Variants in POLR3E observed in about 807,000 individuals in gnomAD.
POLR3E encodes the protein DNA-directed RNA polymerase III subunit RPC5.
POLR3E carries 41 observed loss-of-function variants against 96.6 expected under a neutral mutation model. The observed-to-expected ratio is 0.42, with a 90% CI of 0.33 to 0.55. The LOEUF is 0.55. POLR3E is among the 20% of genes least tolerant of loss of function. The pLI is 0.06. For missense variants in POLR3E, 849 were observed against 952.1 expected (o/e 0.89, Z 1.43); for synonymous variants, 396 against 383.6 (o/e 1.03, Z -0.38).
chr16:22,303,614 T>A (rs1374047305), intron 2 of POLR3E, among the ~76,000 whole-genome samples: 1 of 148,534 alleles, frequency 6.7e-6, no homozygotes, highest in African/African-American at 2.5e-5. Context: ...AGTCTCCGGG[T>A]ACAGGCAGTG....
intron 1 of POLR3E, among the ~76,000 whole-genome samples, chr16:22,297,763 C>T (rs1267880880): frequency 6.6e-6 from 1 of 152,224 alleles, no homozygotes; most frequent in Admixed American, 6.5e-5. Context: ...AGGCCGCGGC[C>T]GACGCTGGCG....
At chr16:22,314,742 G>A (rs1203414506) in intron 8 of POLR3E, among the ~76,000 whole-genome samples, 4 of 152,220 alleles carry the variant, frequency 2.6e-5, no homozygotes, top group Admixed American at 6.5e-5. Flanking sequence ...TGTTCTCTCC[G>A]TAGCTTATTA....
chr16:22,302,987 G>T lies in POLR3E; in HGVS notation c.19G>T (p.Asp7Tyr). 6.2e-7 allele frequency: 1 copy of T among 1,614,084 alleles called. No individual in the cohort carries two copies. The highest frequency in any genetic ancestry group is 1.1e-5 in the South Asian group (1 of 91,072). MANEED[D>Y]PVVQEIDVYL... ...CTCTAGTATGGCCAATGAAGAGGAT[G>T]ACCCAGTTGTACAGGAGGTAACTGC... Residue 7 changes from aspartate to tyrosine, a missense_variant, in exon 2 of 21, where the codon GAC (aspartate) becomes TAC (tyrosine). Coordinates refer to ENST00000299853, the MANE Select transcript of POLR3E (RefSeq NM_018119.4).
At chr16:22,328,755 G>A in intron 19 of POLR3E, 168 bp downstream of exon 19, 1 of 623,704 alleles carries the variant, frequency 1.6e-6, no homozygotes, top group Admixed American at 2.4e-5. Context: ...AAAATAAGCT[G>A]TATGTGCCAA....
chr16:22,323,012 G>A, intron 14 of POLR3E, 81 bp downstream of exon 14: 4 of 918,318 alleles, frequency 4.4e-6, no homozygotes, highest in East Asian at 5.3e-5. Context: ...GAAGACCGGG[G>A]CCCGGCAGAG....
chr16:22,330,531 T>C (rs1196047317), intron 19 of POLR3E, among the ~76,000 whole-genome samples: 1 of 152,210 alleles, frequency 6.6e-6, no homozygotes, highest in Non-Finnish European at 1.5e-5. Flanking sequence ...TGTAATTTTC[T>C]GAACACATGT....
At chr16:22,309,833 G>A in intron 6 of POLR3E, 1 of 359,772 alleles carries the variant, frequency 2.8e-6, no homozygotes, top group Non-Finnish European at 5.2e-6. Flanking sequence ...GCTTATGACA[G>A]AGCAATTCCA....
At chr16:22,303,999 T>C (rs1019487862) in intron 2 of POLR3E, among the ~76,000 whole-genome samples, 3 of 151,724 alleles carry the variant, frequency 2.0e-5, no homozygotes, top group East Asian at 1.9e-4. Flanking sequence ...TTAGTAGAGA[T>C]GGGATTTCAC....
Position 22,318,255 on chromosome 16 carries a change from A to G in POLR3E, c.866-571A>G, listed in dbSNP as rs2048400225. ...ACTACAGGTGCCCGCCATCACGCCC[A>G]GCTAATTTTTGTATTTTTAGTAGAG... is the stretch of plus-strand genomic sequence containing the variant. On this transcript the variant is annotated intron_variant, in intron 12 of 20. Transcript: ENST00000299853. The surrounding 1 kb of genome is among the most constrained non-coding windows in gnomAD (Gnocchi z 5.0). Among the ~76,000 whole-genome samples, 1 of 152,022 alleles carries G rather than the reference A, an allele frequency of 6.6e-6. No individual in the cohort carries two copies. The highest frequency in any genetic ancestry group is 6.5e-5 in the Admixed American group (1 of 15,268).
chr16:22,309,578 C>CCCTG, intron 6 of POLR3E, 68 bp downstream of exon 6: 1 of 1,116,968 alleles, frequency 9.0e-7, no homozygotes, highest in Non-Finnish European at 1.4e-6. Flanking sequence ...GAGAGTACCT[C>CCCTG]CCCAGCCTGG....
At chr16:22,315,413 G>T (rs1213586051) in intron 9 of POLR3E, among the ~76,000 whole-genome samples, 1 of 152,226 alleles carries the variant, frequency 6.6e-6, no homozygotes, top group Non-Finnish European at 1.5e-5. Context: ...AAAGATGCGA[G>T]TCCTTGGTTC....
Position 22,313,735 on chromosome 16 carries a change from C to G in POLR3E, c.472+8C>G, listed in dbSNP as rs368778166. The G allele has an allele frequency of 6.9e-5, 109 of 1,588,266 alleles. No homozygotes were observed. The highest frequency in any genetic ancestry group is 1.4e-5 in the Non-Finnish European group (16 of 1,159,510). ...GGGAGGCGGCCAACGAGGGTGAGCC[C>G]GGGATCCCCAGCCCTGCTGCCTGCC... On this transcript the variant is annotated splice_region_variant and intron_variant, in intron 7 of 20. Coordinates refer to ENST00000299853, the MANE Select transcript of POLR3E (RefSeq NM_018119.4). The surrounding 1 kb of genome is among the most constrained non-coding windows in gnomAD (Gnocchi z 4.1).
intron 10 of POLR3E, 83 bp from the exon 11 acceptor site, chr16:22,316,912 C>T (rs2141775115): frequency 6.8e-7 from 1 of 1,479,264 alleles, no homozygotes; most frequent in Non-Finnish European, 9.5e-7. Context: ...TGCACCCTCT[C>T]CCCAGACCCT....
intron 18 of POLR3E, chr16:22,326,618 T>C (rs1274635455): frequency 7.1e-6 from 3 of 420,408 alleles, no homozygotes; most frequent in African/African-American, 6.0e-5. Context: ...GCTTTGCCAT[T>C]GTTTGGAATG....
intron 12 of POLR3E, among the ~76,000 whole-genome samples, chr16:22,317,638 TTTGTTGTTG>T (rs763710808): frequency 0.011 from 1,699 of 151,206 alleles, 29 homozygotes; most frequent in African/African-American, 0.039. Context: ...CTAGGGGCTT[TTTGTTGTTG>T]TTGTTGTTGT....
intron 14 of POLR3E, among the ~76,000 whole-genome samples, chr16:22,323,552 G>A (rs1014393545): frequency 7.2e-5 from 11 of 152,098 alleles, no homozygotes; most frequent in South Asian, 2.1e-4. Flanking sequence ...CTGGTGTGCC[G>A]TCCCAGTCAC....
intron 8 of POLR3E, 41 bp downstream of exon 8, chr16:22,314,169 G>A (rs377229420): frequency 3.3e-5 from 51 of 1,556,728 alleles, no homozygotes; most frequent in Non-Finnish European, 4.1e-5. Context: ...CTGCCTGGGC[G>A]GCAGCAGGAC....
At chr16:22,315,713 C>T (rs1398149204) in intron 9 of POLR3E, among the ~76,000 whole-genome samples, 2 of 151,954 alleles carry the variant, frequency 1.3e-5, no homozygotes, top group African/African-American at 4.8e-5. Context: ...ATTCTGTCAC[C>T]CAGGCTGGAG....
intron 1 of POLR3E, among the ~76,000 whole-genome samples, chr16:22,300,333 A>G (rs570509948): frequency 6.6e-6 from 1 of 152,312 alleles, no homozygotes; most frequent in African/African-American, 2.4e-5. Flanking sequence ...TTTGAAAGCC[A>G]CTGAGTTGGA....
Sources: allele counts gnomAD v4.1 joint callset (sites outside exome capture counted in the v4.1 genomes callset), GRCh38; gene constraint gnomAD v4.1.1; non-coding constraint Gnocchi (gnomAD v3.1); transcripts MANE v1.5; gene names NCBI Gene and HGNC (gene_info 2026-07-23, HGNC 2026-07-21).